The following BTD variants were observed in gnomAD, a reference collection of about 807,000 sequenced individuals.
BTD encodes biocytinase.
A neutral mutation model predicts 17.7 loss-of-function variants in BTD; 13 were observed. The observed-to-expected ratio is 0.74, with a 90% CI of 0.48 to 1.17. BTD has a LOEUF of 1.17. BTD is among the 50% of genes most tolerant of loss of function. The pLI is 0.00. For missense variants in BTD, 674 were observed against 650.4 expected (o/e 1.04, Z -0.39); for synonymous variants, 240 against 245.2 (o/e 0.98, Z 0.20).
Position 15,650,016 on chromosome 3 carries a change from T to G in BTD, c.*4528T>G, listed in dbSNP as rs2065776342. 6.6e-6 allele frequency among the ~76,000 whole-genome samples: 1 copy of G among 152,148 alleles called. No individual in the cohort carries two copies. ...TGCCCACATGCAAATATGTGCTGAG[T>G]CTTGGATTTGCATCTTTATCGTGAC... is the stretch of plus-strand genomic sequence containing the variant. On this transcript the variant is annotated 3_prime_UTR_variant, in exon 4 of 4. Transcript: ENST00000643237.
intron 1 of BTD, among the ~76,000 whole-genome samples, chr3:15,611,033 CGTAA>C (rs1258599491): frequency 2.0e-5 from 3 of 150,728 alleles, no homozygotes; most frequent in Admixed American, 6.6e-5. Context: ...TTTTTTTTAG[CGTAA>C]GTATGTTCCA....
intron 3 of BTD, chr3:15,670,146 T>A: frequency 9.0e-7 from 1 of 1,109,064 alleles, no homozygotes; most frequent in Non-Finnish European, 1.3e-6. Context: ...TCAGATCTCT[T>A]AACATTGGCT....
intron 3 of BTD, chr3:15,642,293 G>A: frequency 3.6e-6 from 5 of 1,407,548 alleles, no homozygotes; most frequent in Non-Finnish European, 4.6e-6. Context: ...AATAAATACA[G>A]GAATGTATAC....
chr3:15,629,586 C>T (rs1040558134), intron 1 of BTD, among the ~76,000 whole-genome samples: 2 of 152,238 alleles, frequency 1.3e-5, no homozygotes, highest in East Asian at 1.9e-4. Context: ...TGCAATGGTG[C>T]GATTTGGGCT....
chr3:15,602,388 A>T (rs1008216113), intron 1 of BTD: 1 of 915,494 alleles, frequency 1.1e-6, no homozygotes, highest in African/African-American at 1.8e-5. Flanking sequence ...CAAAATTAGG[A>T]ACTATGGCGT....
rs1041365554 is a variant in BTD at position 15,601,800 on chromosome 3, C to T, written c.-111C>T. The T allele has an allele frequency of 1.9e-6, 3 of 1,614,076 alleles. No homozygotes were observed. The highest frequency in any genetic ancestry group is 2.5e-6 in the Non-Finnish European group (3 of 1,179,998). ...GAAGCCGAACTCTGAGGCCTCTCGC[C>T]ATTGTCTCCGAGTCGGCCAGCTGGA... On this transcript the variant is annotated 5_prime_UTR_variant, in exon 1 of 4. Coordinates refer to ENST00000643237, the MANE Select transcript of BTD (RefSeq NM_001370658.1).
downstream of BTD, among the ~76,000 whole-genome samples, chr3:15,656,644 C>G (rs956670657): frequency 1.3e-5 from 2 of 152,152 alleles, no homozygotes; most frequent in African/African-American, 4.8e-5. Context: ...TTATATCCAA[C>G]ATAGAATATT....
chr3:15,687,901 A>AC (rs1421101411), intron 3 of BTD, among the ~76,000 whole-genome samples: 3 of 152,192 alleles, frequency 2.0e-5, no homozygotes, highest in Non-Finnish European at 4.4e-5. Flanking sequence ...AACAGCAAGC[A>AC]CAGCATCTCT....
chr3:15,685,360 G>C, intron 3 of BTD: 1 of 1,614,008 alleles, frequency 6.2e-7, no homozygotes, highest in Non-Finnish European at 8.5e-7. Context: ...CAGGTGTATA[G>C]GCGTCCGGCC....
Position 15,651,459 on chromosome 3 carries a change from G to A in BTD, c.*5971G>A, listed in dbSNP as rs2065802412. ...CGGCCAGCGACAGCAGGAGCTATGA[G>A]CACCCCAGGCCTGAAGGTGTGAAGG... On this transcript the variant is annotated 3_prime_UTR_variant, in exon 4 of 4. Transcript: ENST00000643237. 6.6e-6 allele frequency among the ~76,000 whole-genome samples: 1 copy of A among 152,216 alleles called. No individual in the cohort carries two copies. The highest frequency in any genetic ancestry group is 2.4e-5 in the African/African-American group (1 of 41,462).
At chr3:15,712,740 T>C (rs2455835) in exon 4 of BTD, among the ~76,000 whole-genome samples, 101,858 of 152,088 alleles carry the variant, frequency 0.67, 34,604 homozygotes, top group East Asian at 0.91. Flanking sequence ...AATGAATATA[T>C]TGTGAAATCT....
At chr3:15,642,110 G>A in intron 3 of BTD, 53 bp downstream of exon 3, 1 of 1,609,048 alleles carries the variant, frequency 6.2e-7, no homozygotes, top group African/African-American at 1.3e-5. Context: ...GGTGATCTAA[G>A]TCAGGGACCA....
rs539574432 is a variant in BTD, at chr3:15,675,771, T to C, written c.399+33714T>C. On this transcript the variant is annotated intron_variant, in intron 3 of 3. Coordinates refer to the BTD transcript ENST00000672141. Reference sequence around the variant, plus strand: ...TTGCCCTTATTCCTTTGCCACAAACTACTCTTCAATATTAACTTTAGCTCT... The same window carrying C: ...TTGCCCTTATTCCTTTGCCACAAACCACTCTTCAATATTAACTTTAGCTCT... 6.8e-6 allele frequency: 5 copies of C among 739,792 alleles called. No homozygotes were observed. The South Asian group carries it at 1.4e-4, about 21-fold the overall frequency. The allele number at this position is 739,792 out of a possible 1,614,324, so 45.8% of individuals were successfully genotyped here. A position where few individuals can be genotyped will look rare whatever the true frequency, so the allele number is the denominator to read the frequency against.
chr3:15,696,078 A>T, intron 3 of BTD: 3 of 1,164,768 alleles, frequency 2.6e-6, no homozygotes, highest in Non-Finnish European at 3.7e-6. Flanking sequence ...CATTTTTGTT[A>T]CATTATTAGA....
At chr3:15,694,897 T>TA in intron 3 of BTD, 1 of 1,301,600 alleles carries the variant, frequency 7.7e-7, no homozygotes, top group East Asian at 2.3e-5. Context: ...AAATCCACCT[T>TA]AGAGTATTAT....
chr3:15,697,879 G>C (rs1263624475), intron 3 of BTD, among the ~76,000 whole-genome samples: 2 of 152,094 alleles, frequency 1.3e-5, no homozygotes, highest in African/African-American at 4.8e-5. Context: ...TATTTGTTTG[G>C]TAGGCTATTA....
chr3:15,706,631 T>C (rs1408763211), intron 3 of BTD, among the ~76,000 whole-genome samples: 1 of 152,126 alleles, frequency 6.6e-6, no homozygotes, highest in Non-Finnish European at 1.5e-5. Context: ...GGTCAAATGG[T>C]ATTTCTAGTT....
chr3:15,635,746 C>G lies in BTD; in HGVS notation c.249+58C>G. 6.2e-7 allele frequency: 1 copy of G among 1,609,612 alleles called. No homozygotes were observed. The highest frequency in any genetic ancestry group is 1.1e-5 in the South Asian group (1 of 90,706). The stretch of plus-strand genomic sequence containing the variant: ...CATACAGAGCAGATTGCTCTTTACC[C>G]CTTGATCAGTGGTTGGGTAATCCCA... On this transcript the variant is annotated intron_variant, in intron 2 of 3. Coordinates refer to ENST00000643237, the MANE Select transcript of BTD (RefSeq NM_001370658.1). The surrounding 1 kb of genome is among the most constrained non-coding windows in gnomAD (Gnocchi z 4.1).
chr3:15,655,353 GA>G (rs2065861275), downstream of BTD, among the ~76,000 whole-genome samples: 1 of 151,894 alleles, frequency 6.6e-6, no homozygotes, highest in South Asian at 2.1e-4. Context: ...AAATGAATCT[GA>G]AAAGGGTGAA....
Sources: allele counts gnomAD v4.1 joint callset (sites outside exome capture counted in the v4.1 genomes callset), GRCh38; gene constraint gnomAD v4.1.1; non-coding constraint Gnocchi (gnomAD v3.1); transcripts MANE v1.5; gene names NCBI Gene and HGNC (gene_info 2026-07-23, HGNC 2026-07-21).